The following ERBB4 variants were observed in gnomAD, a reference collection of about 807,000 sequenced individuals.
The protein encoded by ERBB4 is receptor tyrosine-protein kinase erbB-4.
Under a neutral mutation model 158.0 loss-of-function variants are expected in ERBB4, and 42 were observed. That is an observed-to-expected ratio of 0.27 (90% confidence interval 0.21 to 0.34). The LOEUF (loss-of-function observed/expected upper bound fraction) is 0.34. Among genes scored for constraint, ERBB4 ranks in the 10% least tolerant of loss-of-function variants. The probability of loss-of-function intolerance (pLI) is 1.00; values close to 1 mark genes in which losing one functional copy is unlikely to be tolerated. For synonymous variants in ERBB4, 583 were observed against 558.7 expected, an observed-to-expected ratio of 1.04 and a Z score of -0.61; for missense variants, 1,333 against 1,624.1, an observed-to-expected ratio of 0.82 and a Z score of 3.08.
At chr2:212,491,129 G>A (rs943165159) in intron 1 of ERBB4, among the ~76,000 whole-genome samples, 1 of 151,498 alleles carries the variant, frequency 6.6e-6, no homozygotes, top group Non-Finnish European at 1.5e-5. Flanking sequence ...CAAATGGACT[G>A]AATGATCATA....
chr2:211,949,689 C>T (rs756553174), intron 2 of ERBB4, among the ~76,000 whole-genome samples: 5 of 152,004 alleles, frequency 3.3e-5, no homozygotes, highest in Non-Finnish European at 5.9e-5. Flanking sequence ...GTGCATTATA[C>T]CCTTAAAAAC....
intron 1 of ERBB4, among the ~76,000 whole-genome samples, chr2:212,511,889 C>A (rs554569026): frequency 1.3e-5 from 2 of 152,238 alleles, no homozygotes; most frequent in South Asian, 4.1e-4. Flanking sequence ...GTGTCACCAT[C>A]CAGTACCAAA....
chr2:211,673,108 A>C (rs1574961253), intron 14 of ERBB4, 56 bp downstream of exon 14: 2 of 1,244,612 alleles, frequency 1.6e-6, no homozygotes, highest in East Asian at 4.6e-5. Flanking sequence ...AATAATAACA[A>C]ACATTCATAC....
At chr2:212,402,755 T>C (rs561356467) in intron 1 of ERBB4, among the ~76,000 whole-genome samples, 1 of 152,220 alleles carries the variant, frequency 6.6e-6, no homozygotes, top group Admixed American at 6.6e-5. Context: ...TGTAAATTAA[T>C]AAACTCTAAA....
intron 1 of ERBB4, among the ~76,000 whole-genome samples, chr2:212,406,164 G>C (rs933936728): frequency 6.6e-6 from 1 of 151,938 alleles, no homozygotes; most frequent in African/African-American, 2.4e-5. Context: ...TTTATATTCA[G>C]CACTACTACC....
rs1021478057 is a variant in ERBB4, at chr2:212,187,794, C to T, written c.83-62891G>A. Reference sequence around the variant, plus strand: ...GGAAATAATGATGCAAAATCAGATACAAATTATTTCAGAGACATGAGTGAT... The same window carrying T: ...GGAAATAATGATGCAAAATCAGATATAAATTATTTCAGAGACATGAGTGAT... On this transcript the variant is annotated intron_variant, in intron 1 of 27. Coordinates refer to ENST00000342788, the MANE Select transcript of ERBB4 (RefSeq NM_005235.3). Among the ~76,000 whole-genome samples, 3 of 151,960 alleles carry T rather than the reference C, an allele frequency of 2.0e-5. No individual in the cohort carries two copies. The East Asian group carries it at 5.8e-4, about 29-fold the overall frequency.
intron 3 of ERBB4, among the ~76,000 whole-genome samples, chr2:211,835,034 A>T (rs1485271698): frequency 6.6e-6 from 1 of 152,148 alleles, no homozygotes; most frequent in Non-Finnish European, 1.5e-5. Flanking sequence ...TTACTGAGAG[A>T]TCCTACAATC....
chr2:212,526,972 T>G (rs7573568), intron 1 of ERBB4, among the ~76,000 whole-genome samples: 2 of 151,894 alleles, frequency 1.3e-5, no homozygotes, highest in Non-Finnish European at 2.9e-5. Context: ...TAACTTAGCC[T>G]GAGGGTAAAA....
intron 4 of ERBB4, among the ~76,000 whole-genome samples, chr2:211,773,993 A>G (rs976258510): frequency 6.6e-6 from 1 of 152,038 alleles, no homozygotes; most frequent in African/African-American, 2.4e-5. Context: ...CGTTGATCAA[A>G]TTACTGGGTC....
chr2:211,450,735 T>C (rs2064225452), intron 20 of ERBB4, among the ~76,000 whole-genome samples: 1 of 152,102 alleles, frequency 6.6e-6, no homozygotes, highest in Non-Finnish European at 1.5e-5. Flanking sequence ...CTCCAACTGT[T>C]TGAATTAAAG....
At chr2:211,921,950 G>A (rs749755263) in intron 3 of ERBB4, among the ~76,000 whole-genome samples, 2 of 152,128 alleles carry the variant, frequency 1.3e-5, no homozygotes, top group Admixed American at 6.5e-5. Context: ...CTCTCAGCAC[G>A]TACCTGTTAT....
At chr2:211,635,902 T>C (rs1181483313) in intron 16 of ERBB4, among the ~76,000 whole-genome samples, 1 of 152,064 alleles carries the variant, frequency 6.6e-6, no homozygotes, top group African/African-American at 2.4e-5. Flanking sequence ...CAACTAAAGA[T>C]AAAACAACCT....
chr2:212,115,263 A>G (rs1220181838), intron 2 of ERBB4, among the ~76,000 whole-genome samples: 2 of 152,086 alleles, frequency 1.3e-5, no homozygotes, highest in Non-Finnish European at 2.9e-5. Context: ...ATTATACTCT[A>G]TGTGACCAAC....
intron 1 of ERBB4, among the ~76,000 whole-genome samples, chr2:212,452,252 G>A (rs1432741958): frequency 6.6e-6 from 1 of 152,012 alleles, no homozygotes; most frequent in Non-Finnish European, 1.5e-5. Context: ...TTAAAGCCTT[G>A]TGACAATGTC....
intron 1 of ERBB4, among the ~76,000 whole-genome samples, chr2:212,489,664 C>A (rs994353017): frequency 2.0e-5 from 3 of 151,434 alleles, no homozygotes; most frequent in Non-Finnish European, 4.4e-5. Context: ...TTATCTGAAC[C>A]TTAAATATCA....
intron 19 of ERBB4, among the ~76,000 whole-genome samples, chr2:211,618,838 G>A (rs1043069462): frequency 7.2e-5 from 11 of 151,944 alleles, no homozygotes; most frequent in Admixed American, 3.3e-4. Flanking sequence ...ATTATGTATT[G>A]CTCTCACTGG....
chr2:212,247,268 G>C (rs975859484), intron 1 of ERBB4, among the ~76,000 whole-genome samples: 2 of 152,062 alleles, frequency 1.3e-5, no homozygotes, highest in African/African-American at 4.8e-5. Flanking sequence ...CATCTAAGTA[G>C]ATATAATTCT....
intron 2 of ERBB4, among the ~76,000 whole-genome samples, chr2:212,032,336 G>T (rs2076922284): frequency 6.6e-6 from 1 of 152,044 alleles, no homozygotes; most frequent in African/African-American, 2.4e-5. Flanking sequence ...AAGTTAATTT[G>T]CCACTCCTTT....
chr2:211,712,140 G>A lies in ERBB4; in HGVS notation c.1034C>T (p.Ala345Val). 1 of 1,613,064 alleles carries A rather than the reference G, an allele frequency of 6.2e-7. No individual in the cohort carries two copies. Among genetic ancestry groups the A allele is most frequent in the Non-Finnish European group, 8.5e-7 (1 of 1,179,112 alleles). The change falls in exon 9 of 28, where the codon GCT becomes GTT. Residue 345 changes from alanine to valine, a missense_variant. Coordinates refer to ENST00000342788, the MANE Select transcript of ERBB4 (RefSeq NM_005235.3). ...AATGTTACTGGAATCCACAGTCTGAGCTGACATCAATGATCCTGTGCCAAT... is the reference window on the plus strand; with the variant it reads ...AATGTTACTGGAATCCACAGTCTGAACTGACATCAATGATCCTGTGCCAAT... ...DGIGTGSLMSAQTVDSSNIDK... is the reference protein window; with the variant it reads ...DGIGTGSLMSVQTVDSSNIDK...
Sources: gnomAD v4.1 joint callset for allele counts (sites outside exome capture counted in the v4.1 genomes callset) on GRCh38, gnomAD v4.1.1 for gene constraint, MANE v1.5 for transcripts, NCBI Gene and HGNC (gene_info 2026-07-23, HGNC 2026-07-21) for gene names.